Variants in ARK2N observed in about 807,000 individuals in gnomAD.
The protein encoded by ARK2N is arkadia (RNF111) N-terminal like PKA signaling regulator 2N.
At chr18:46,206,391 C>G in the ARK2N span, among the ~76,000 whole-genome samples, 3 of 152,096 alleles carry the variant, frequency 2.0e-5, no homozygotes, top group Non-Finnish European at 2.9e-5. Context: ...GCTGTACCAC[C>G]AAACTTTTTA....
chr18:46,255,731 A>G, the ARK2N span, among the ~76,000 whole-genome samples: 1 of 151,364 alleles, frequency 6.6e-6, no homozygotes, highest in East Asian at 1.9e-4. Flanking sequence ...GATCACAGGC[A>G]TGAGCCACCG....
chr18:46,199,061 T>A, the ARK2N span, among the ~76,000 whole-genome samples: 9 of 152,148 alleles, frequency 5.9e-5, no homozygotes, highest in Non-Finnish European at 1.3e-4. Context: ...CCCATAGAAT[T>A]ACAGCAAATG....
At chr18:46,197,469 A>G in the ARK2N span, among the ~76,000 whole-genome samples, 2 of 152,104 alleles carry the variant, frequency 1.3e-5, no homozygotes, top group Admixed American at 6.6e-5. Flanking sequence ...CCTGACCTTA[A>G]GGGATCCACC....
chr18:46,250,382 A>G, the ARK2N span, among the ~76,000 whole-genome samples: 1 of 152,004 alleles, frequency 6.6e-6, no homozygotes, highest in Non-Finnish European at 1.5e-5. Context: ...AGTGCACTGA[A>G]TGGCACTGTA....
At chr18:46,239,747 A>G in the ARK2N span, among the ~76,000 whole-genome samples, 1 of 152,176 alleles carries the variant, frequency 6.6e-6, no homozygotes. Context: ...TCAGTGTAAC[A>G]TTGTTGAGTA....
chr18:46,210,508 AC>A, the ARK2N span, among the ~76,000 whole-genome samples: 2 of 152,220 alleles, frequency 1.3e-5, no homozygotes, highest in South Asian at 4.1e-4. Flanking sequence ...AAATCTAAAT[AC>A]AGATGTCAAC....
At chr18:46,206,459 T>G in the ARK2N span, among the ~76,000 whole-genome samples, 1 of 152,192 alleles carries the variant, frequency 6.6e-6, no homozygotes, top group South Asian at 2.1e-4. Context: ...CCATTTTTTC[T>G]CTTTTAGAGA....
chr18:46,247,905 T>A, the ARK2N span, among the ~76,000 whole-genome samples: 1 of 152,234 alleles, frequency 6.6e-6, no homozygotes, highest in South Asian at 2.1e-4. Context: ...ACACCCGACC[T>A]CAAGTGATCT....
the ARK2N span, among the ~76,000 whole-genome samples, chr18:46,189,458 A>T: frequency 2.4e-4 from 36 of 151,550 alleles, no homozygotes; most frequent in East Asian, 1.7e-3. Flanking sequence ...ACTTTTTTTT[A>T]AAAAAAATTA....
the ARK2N span, among the ~76,000 whole-genome samples, chr18:46,189,239 T>C: frequency 8.0e-6 from 1 of 125,366 alleles, no homozygotes; most frequent in African/African-American, 3.4e-5. Context: ...AAAAAAAAAA[T>C]CAAAGTTTAT....
chr18:46,185,292 G>A, the ARK2N span, among the ~76,000 whole-genome samples: 1 of 152,144 alleles, frequency 6.6e-6, no homozygotes, highest in African/African-American at 2.4e-5. Flanking sequence ...TGCATAATTT[G>A]TTTCTTTTCA....
chr18:46,182,204 C>T, the ARK2N span, among the ~76,000 whole-genome samples: 2 of 152,128 alleles, frequency 1.3e-5, no homozygotes, highest in Non-Finnish European at 2.9e-5. Flanking sequence ...TTAGTTTTAA[C>T]CTAGCATAGA....
At chr18:46,175,295 T>C in the ARK2N span, among the ~76,000 whole-genome samples, 2 of 152,182 alleles carry the variant, frequency 1.3e-5, no homozygotes, top group Non-Finnish European at 1.5e-5. Context: ...ATTAAAATCC[T>C]ACTGATGATA....
the ARK2N span, chr18:46,218,279 A>C: frequency 6.6e-6 from 1 of 152,188 alleles, no homozygotes; most frequent in Non-Finnish European, 1.5e-5. Context: ...TTAAAACACC[A>C]GTGTCTGTTT....
the ARK2N span, among the ~76,000 whole-genome samples, chr18:46,256,578 T>C: frequency 6.6e-6 from 1 of 152,254 alleles, no homozygotes; most frequent in Admixed American, 6.5e-5. Context: ...CGTTACATTA[T>C]TTTCAAGGAT....
At chr18:46,251,973 A>T in the ARK2N span, among the ~76,000 whole-genome samples, 1 of 152,122 alleles carries the variant, frequency 6.6e-6, no homozygotes, top group East Asian at 2.0e-4. Flanking sequence ...TGGGCTGATC[A>T]CCTGAGGCCA....
At chr18:46,263,626 A>G in the ARK2N span, 1 of 152,930 alleles carries the variant, frequency 6.5e-6, no homozygotes, top group Non-Finnish European at 1.5e-5. Flanking sequence ...TGTCCTTAAA[A>G]ATAGAAGACA....
the ARK2N span, among the ~76,000 whole-genome samples, chr18:46,231,268 A>G: frequency 6.6e-6 from 1 of 152,112 alleles, no homozygotes; most frequent in Non-Finnish European, 1.5e-5. Context: ...TTTTGTTTGT[A>G]TGGATTTTTA....
At chr18:46,226,958 C>G in the ARK2N span, among the ~76,000 whole-genome samples, 1 of 152,024 alleles carries the variant, frequency 6.6e-6, no homozygotes, top group Non-Finnish European at 1.5e-5. Flanking sequence ...CAGGCGCCTG[C>G]CACCATGCCC....
Sources: gnomAD v4.1 joint callset for allele counts (sites outside exome capture counted in the v4.1 genomes callset) on GRCh38, gnomAD v4.1.1 for gene constraint, MANE v1.5 for transcripts, NCBI Gene and HGNC (gene_info 2026-07-23, HGNC 2026-07-21) for gene names.